RAB6A: variants seen among roughly 807,000 people sequenced by gnomAD.
RAB6A encodes RAB6A, member RAS oncogene family.
A neutral mutation model predicts 32.3 loss-of-function variants in RAB6A; 8 were observed. The observed-to-expected ratio is 0.25, with a 90% confidence interval of 0.15 to 0.45. The LOEUF is 0.45. Ranked by LOEUF, RAB6A falls within the 20% of genes least tolerant of loss-of-function variation. RAB6A has a pLI of 1.00. For missense variants in RAB6A, 104 were observed against 249.4 expected (o/e 0.42, Z 3.93); for synonymous variants, 73 against 82.1 (o/e 0.89, Z 0.60).
intron 1 of RAB6A, among the ~76,000 whole-genome samples, chr11:73,734,280 C>CA (rs1946361022): frequency 6.6e-6 from 1 of 152,142 alleles, no homozygotes; most frequent in African/African-American, 2.4e-5. Context: ...CGCCCGCCAC[C>CA]ACGCCCAGCT....
intron 6 of RAB6A, among the ~76,000 whole-genome samples, chr11:73,701,342 G>T (rs550030060): frequency 6.6e-6 from 1 of 152,164 alleles, no homozygotes; most frequent in East Asian, 1.9e-4. Flanking sequence ...GTAATAACAG[G>T]CATGTAAGAC....
chr11:73,740,819 C>T (rs767994457), intron 1 of RAB6A, among the ~76,000 whole-genome samples: 3 of 150,714 alleles, frequency 2.0e-5, no homozygotes, highest in Non-Finnish European at 4.4e-5. Context: ...ACCTGGGAGG[C>T]AGAGGTTGCA....
intron 6 of RAB6A, among the ~76,000 whole-genome samples, chr11:73,697,537 G>C (rs1004080812): frequency 1.1e-4 from 16 of 151,930 alleles, no homozygotes; most frequent in African/African-American, 3.6e-4. Flanking sequence ...TAGTAGAGAC[G>C]GGTTTCACTA....
chr11:73,747,642 A>C (rs1946612194), intron 1 of RAB6A, among the ~76,000 whole-genome samples: 1 of 152,136 alleles, frequency 6.6e-6, no homozygotes, highest in South Asian at 2.1e-4. Flanking sequence ...TTTCTGTTCC[A>C]AGATGTCATC....
intron 6 of RAB6A, among the ~76,000 whole-genome samples, chr11:73,682,519 T>C (rs1242222668): frequency 1.3e-5 from 2 of 152,074 alleles, no homozygotes; most frequent in African/African-American, 2.4e-5. Flanking sequence ...CAAAATTAGC[T>C]GGGCATGATG....
At chr11:73,706,350 C>T (rs2134917807) in intron 6 of RAB6A, among the ~76,000 whole-genome samples, 1 of 151,984 alleles carries the variant, frequency 6.6e-6, no homozygotes, top group East Asian at 1.9e-4. Flanking sequence ...CCCGTCTCTA[C>T]TAAAAATACA....
At chr11:73,729,313 G>A (rs950852531) in intron 2 of RAB6A, among the ~76,000 whole-genome samples, 2 of 152,114 alleles carry the variant, frequency 1.3e-5, no homozygotes, top group African/African-American at 2.4e-5. Context: ...TGGCCAAGCT[G>A]GTCTTGTACT....
At chr11:73,725,408 TG>T (rs1198037065) in intron 2 of RAB6A, among the ~76,000 whole-genome samples, 2 of 152,096 alleles carry the variant, frequency 1.3e-5, no homozygotes, top group Non-Finnish European at 2.9e-5. Flanking sequence ...CAAAGAGAAG[TG>T]TATTAGTCTG....
intron 6 of RAB6A, among the ~76,000 whole-genome samples, chr11:73,691,059 T>TG (rs750140372): frequency 4.7e-4 from 72 of 151,958 alleles, no homozygotes; most frequent in Non-Finnish European, 9.3e-4. Flanking sequence ...GCTCAGGCCC[T>TG]GGGCCTTAGA....
intron 1 of RAB6A, among the ~76,000 whole-genome samples, chr11:73,745,243 T>G (rs1171787623): frequency 6.6e-6 from 1 of 152,190 alleles, no homozygotes; most frequent in African/African-American, 2.4e-5. Context: ...GAACTGTATT[T>G]TTCTTGTTCA....
intron 1 of RAB6A, among the ~76,000 whole-genome samples, chr11:73,739,915 T>C (rs948352186): frequency 1.1e-4 from 17 of 151,914 alleles, no homozygotes; most frequent in African/African-American, 3.9e-4. Context: ...AAAAATTAGC[T>C]GGGCTTGGTG....
chr11:73,710,784 T>C (rs1056327246), intron 5 of RAB6A, among the ~76,000 whole-genome samples: 3 of 151,446 alleles, frequency 2.0e-5, no homozygotes, highest in Admixed American at 6.6e-5. Flanking sequence ...AAGGTCTTGC[T>C]CTGTTGCACA....
At chr11:73,708,230 G>A (rs528756301) in intron 5 of RAB6A, among the ~76,000 whole-genome samples, 5 of 152,132 alleles carry the variant, frequency 3.3e-5, no homozygotes, top group East Asian at 1.9e-4. Flanking sequence ...GTGCAATGGC[G>A]CGATCTCAGC....
At chr11:73,699,000 C>A (rs1480508768) in intron 6 of RAB6A, among the ~76,000 whole-genome samples, 1 of 151,834 alleles carries the variant, frequency 6.6e-6, no homozygotes, top group African/African-American at 2.4e-5. Flanking sequence ...TACAGGCGCC[C>A]GCCACCACAC....
intron 5 of RAB6A, among the ~76,000 whole-genome samples, chr11:73,709,822 C>CAT (rs71065026): frequency 0.86 from 124,159 of 144,548 alleles, 53,615 homozygotes; most frequent in Admixed American, 0.91. Context: ...TGAATTCATG[C>CAT]ATATATATAC....
intron 6 of RAB6A, among the ~76,000 whole-genome samples, chr11:73,686,629 T>C (rs578123896): frequency 3.0e-4 from 45 of 152,238 alleles, no homozygotes; most frequent in Middle Eastern, 3.4e-3. Context: ...GAGGGAGGCA[T>C]AGGAAAGGTT....
At chr11:73,718,949 AAAG>A in intron 3 of RAB6A, 7 of 1,451,196 alleles carry the variant, frequency 4.8e-6, no homozygotes, top group Non-Finnish European at 5.6e-6. Context: ...TAAAAAGAAA[AAAG>A]AAACAATGTT....
rs1427275902 is a variant in RAB6A, at chr11:73,722,323, ATATATATATATATATATATATTTTTT to A, written c.130-1450_130-1425del. On this transcript the variant is annotated intron_variant, in intron 2 of 7. Coordinates refer to ENST00000336083, the MANE Select transcript of RAB6A (RefSeq NM_198896.2). ...TGTGTGTGTATATATATATATATATATATATATATATATATATATATTTTTTTTTTTTTTTTTTTTTTTTGAGACAG... is the reference window on the plus strand; with the variant it reads ...TGTGTGTGTATATATATATATATATATTTTTTTTTTTTTTTTTTGAGACAG... The A allele has an allele frequency of 7.9e-3, 62 of 7,858 alleles. 4 individuals are homozygous for A. Among genetic ancestry groups the A allele is most frequent in the Admixed American group, 0.031 (14 of 450 alleles). The allele number at this position is 7,858 out of a possible 1,614,324, so 0.5% of individuals were successfully genotyped here.
chr11:73,733,697 G>C (rs1264087191), intron 1 of RAB6A, among the ~76,000 whole-genome samples: 1 of 152,058 alleles, frequency 6.6e-6, no homozygotes, highest in Non-Finnish European at 1.5e-5. Context: ...TACATAGAGT[G>C]AAAGAGACCA....
Sources: allele counts gnomAD v4.1 joint callset (sites outside exome capture counted in the v4.1 genomes callset), GRCh38; gene constraint gnomAD v4.1.1; transcripts MANE v1.5; gene names NCBI Gene and HGNC (gene_info 2026-07-23, HGNC 2026-07-21).